The following ITCH variants were observed in gnomAD, a reference collection of about 807,000 sequenced individuals.
The protein encoded by ITCH is E3 ubiquitin-protein ligase Itchy homolog.
Under a neutral mutation model 126.8 loss-of-function variants are expected in ITCH, and 28 were observed. The ratio of observed to expected loss-of-function variants is 0.22; its 90% CI spans 0.16 to 0.30. ITCH has a LOEUF of 0.30. Ranked by LOEUF, ITCH falls within the 10% of genes least tolerant of loss-of-function variation. The pLI is 1.00. For synonymous variants in ITCH, 342 were observed against 340.0 expected (o/e 1.01, Z -0.06); for missense variants, 631 against 1,032.4 (o/e 0.61, Z 5.33).
intron 4 of ITCH, among the ~76,000 whole-genome samples, chr20:34,409,939 A>G (rs1316501222): frequency 6.6e-6 from 1 of 152,024 alleles, no homozygotes; most frequent in Non-Finnish European, 1.5e-5. Context: ...CTGAGCCAGG[A>G]GGATTGTGTG....
chr20:34,372,312 C>CA (rs368969042), intron 2 of ITCH, among the ~76,000 whole-genome samples: 2,041 of 73,026 alleles, frequency 0.028, 117 homozygotes, highest in African/African-American at 0.091. Context: ...TACTTTGTCT[C>CA]AAAAAAAAAA....
At chr20:34,437,972 A>G (rs1983235319) in intron 7 of ITCH, among the ~76,000 whole-genome samples, 2 of 152,300 alleles carry the variant, frequency 1.3e-5, no homozygotes, top group South Asian at 2.1e-4. Context: ...TTTGTGTACC[A>G]TTGTACTGAG....
chr20:34,401,647 CTAGGAAG>C (rs2038887728), intron 3 of ITCH: 2 of 981,792 alleles, frequency 2.0e-6, no homozygotes, highest in South Asian at 9.4e-5. Context: ...TCAACTAGAC[CTAGGAAG>C]TAGACTGTGG....
chr20:34,437,478 A>C (rs568929403), intron 7 of ITCH, among the ~76,000 whole-genome samples: 1 of 152,000 alleles, frequency 6.6e-6, no homozygotes, highest in Non-Finnish European at 1.5e-5. Flanking sequence ...GCTACTTTTT[A>C]AATTTTTTTG....
chr20:34,474,053 A>C (rs1437790834), intron 16 of ITCH, among the ~76,000 whole-genome samples: 1 of 152,238 alleles, frequency 6.6e-6, no homozygotes, highest in Non-Finnish European at 1.5e-5. Flanking sequence ...CATTTTGCTA[A>C]AGTCGCTAAA....
intron 23 of ITCH, among the ~76,000 whole-genome samples, chr20:34,502,646 G>A (rs992410977): frequency 8.6e-5 from 13 of 151,784 alleles, no homozygotes; most frequent in African/African-American, 3.1e-4. Context: ...GGAGGCGGAG[G>A]TTGTGGTGAG....
At chr20:34,406,829 C>T (rs759350306) in intron 3 of ITCH, among the ~76,000 whole-genome samples, 4 of 152,114 alleles carry the variant, frequency 2.6e-5, no homozygotes, top group Non-Finnish European at 4.4e-5. Context: ...CCACCGCACC[C>T]GGCTATATTA....
intron 3 of ITCH, among the ~76,000 whole-genome samples, chr20:34,405,460 G>A (rs1033385098): frequency 5.3e-5 from 8 of 151,852 alleles, no homozygotes; most frequent in Non-Finnish European, 7.4e-5. Flanking sequence ...AGCTAAGATT[G>A]TGCCATTGCA....
intron 16 of ITCH, among the ~76,000 whole-genome samples, chr20:34,477,408 T>C (rs1018776578): frequency 6.6e-6 from 1 of 152,134 alleles, no homozygotes; most frequent in Non-Finnish European, 1.5e-5. Context: ...CGCACACCTG[T>C]AGTTCCAGCT....
At chr20:34,488,213 A>T (rs1989269488) in intron 20 of ITCH, among the ~76,000 whole-genome samples, 1 of 148,032 alleles carries the variant, frequency 6.8e-6, no homozygotes, top group Non-Finnish European at 1.5e-5. Flanking sequence ...TTTCTTTACC[A>T]TTTCACTTAG....
chr20:34,427,085 G>A (rs1981638880), intron 7 of ITCH, among the ~76,000 whole-genome samples: 2 of 152,088 alleles, frequency 1.3e-5, no homozygotes, highest in African/African-American at 2.4e-5. Context: ...ATATATGAAG[G>A]TTTTCATAAT....
At chr20:34,483,534 A>T (rs1988907039) in intron 20 of ITCH, among the ~76,000 whole-genome samples, 1 of 152,216 alleles carries the variant, frequency 6.6e-6, no homozygotes, top group African/African-American at 2.4e-5. Flanking sequence ...GCTAAAACAT[A>T]CAAAGAGTCA....
intron 2 of ITCH, among the ~76,000 whole-genome samples, chr20:34,386,201 G>A (rs1490125204): frequency 1.3e-5 from 2 of 151,838 alleles, no homozygotes; most frequent in East Asian, 3.9e-4. Flanking sequence ...CTGCCTCCTG[G>A]GATCAAGCAA....
intron 2 of ITCH, among the ~76,000 whole-genome samples, chr20:34,389,407 A>G (rs1180045366): frequency 1.3e-5 from 2 of 152,172 alleles, no homozygotes; most frequent in Non-Finnish European, 2.9e-5. Context: ...TGTAATTAGA[A>G]TTATAAAAAT....
chr20:34,381,015 T>C (rs912974873), intron 2 of ITCH, among the ~76,000 whole-genome samples: 5 of 150,720 alleles, frequency 3.3e-5, no homozygotes, highest in African/African-American at 7.3e-5. Context: ...CTTGAACTCC[T>C]GGTCTCAAGT....
intron 2 of ITCH, among the ~76,000 whole-genome samples, chr20:34,392,869 C>T (rs2038534656): frequency 1.3e-5 from 2 of 152,072 alleles, no homozygotes; most frequent in South Asian, 4.2e-4. Flanking sequence ...AGAAGGACCC[C>T]CCCAGCCCGG....
intron 20 of ITCH, among the ~76,000 whole-genome samples, chr20:34,485,344 A>G (rs925960125): frequency 6.6e-6 from 1 of 152,142 alleles, no homozygotes; most frequent in Non-Finnish European, 1.5e-5. Context: ...TTTATTAGAA[A>G]CTGCCAGTTT....
intron 2 of ITCH, among the ~76,000 whole-genome samples, chr20:34,390,373 C>G (rs1214571196): frequency 6.6e-6 from 1 of 150,828 alleles, no homozygotes; most frequent in Non-Finnish European, 1.5e-5. Flanking sequence ...TCTGACTTCA[C>G]AGTTGGCATA....
At chr20:34,451,184 G>T (rs957775914) in intron 12 of ITCH, among the ~76,000 whole-genome samples, 1 of 152,038 alleles carries the variant, frequency 6.6e-6, no homozygotes, top group African/African-American at 2.4e-5. Flanking sequence ...CAGCTGCTCA[G>T]GAGGCTGAGG....
Sources: gnomAD v4.1 joint callset for allele counts (sites outside exome capture counted in the v4.1 genomes callset) on GRCh38, gnomAD v4.1.1 for gene constraint, MANE v1.5 for transcripts, NCBI Gene and HGNC (gene_info 2026-07-23, HGNC 2026-07-21) for gene names.